Variants in TYW1B observed in about 807,000 individuals in gnomAD.
TYW1B encodes tRNA-yW synthesizing protein 1 homolog B.
A neutral mutation model predicts 86.9 loss-of-function variants in TYW1B; 73 were observed. The observed-to-expected ratio is 0.84, with a 90% confidence interval of 0.70 to 1.02. The LOEUF is 1.02. TYW1B is among the 50% of genes least tolerant of loss of function. The pLI is 0.00. For synonymous variants in TYW1B, 248 were observed against 292.8 expected, an observed-to-expected ratio of 0.85 and a Z score of 1.56; for missense variants, 637 against 827.4, an observed-to-expected ratio of 0.77 and a Z score of 2.82.
At chr7:72,576,763 C>T (rs1442308484) in intron 13 of TYW1B, among the ~76,000 whole-genome samples, 1 of 151,818 alleles carries the variant, frequency 6.6e-6, no homozygotes, top group African/African-American at 2.4e-5. Context: ...CCGCCGGCCT[C>T]GGCCTCCCAA....
At chr7:72,806,956 T>C (rs1345410237) in intron 5 of TYW1B, 110 bp downstream of exon 5, 29 of 1,432,180 alleles carry the variant, frequency 2.0e-5, no homozygotes, top group Non-Finnish European at 2.4e-5. Flanking sequence ...CTCAGCCAGA[T>C]CTTCCTTCTA....
At chr7:72,677,104 ACTT>A (rs1241190574) in intron 11 of TYW1B, among the ~76,000 whole-genome samples, 9 of 152,176 alleles carry the variant, frequency 5.9e-5, no homozygotes, top group South Asian at 4.1e-4. Flanking sequence ...AGAAGGGTGA[ACTT>A]CTTCTTTCTC....
intron 12 of TYW1B, among the ~76,000 whole-genome samples, chr7:72,623,501 G>A (rs1279316024): frequency 1.3e-5 from 2 of 152,136 alleles, no homozygotes; most frequent in East Asian, 3.9e-4. Flanking sequence ...GTGTCCGTGG[G>A]TAAGTTTTTC....
intron 11 of TYW1B, among the ~76,000 whole-genome samples, chr7:72,687,714 CGAT>C (rs1308612617): frequency 6.6e-6 from 1 of 151,916 alleles, no homozygotes; most frequent in Non-Finnish European, 1.5e-5. Context: ...AATTAATCTA[CGAT>C]GATAAAAGTT....
At chr7:72,576,509 C>CT (rs11334473) in intron 13 of TYW1B, among the ~76,000 whole-genome samples, 1,257 of 120,086 alleles carry the variant, frequency 0.01, 14 homozygotes, top group Middle Eastern at 0.015. Context: ...ATGCCACTGT[C>CT]TTTTTTTTTT....
At chr7:72,677,625 C>T (rs1213678074) in intron 11 of TYW1B, among the ~76,000 whole-genome samples, 1 of 152,130 alleles carries the variant, frequency 6.6e-6, no homozygotes, top group Non-Finnish European at 1.5e-5. Context: ...CTAGCAGAAA[C>T]TTTTTCTGCT....
intron 10 of TYW1B, among the ~76,000 whole-genome samples, chr7:72,703,794 G>A (rs1814546947): frequency 1.3e-5 from 2 of 151,426 alleles, no homozygotes; most frequent in Non-Finnish European, 2.9e-5. Flanking sequence ...GGCAGAGGCT[G>A]CAGTGAGCCA....
Position 72,694,594 on chromosome 7 carries a change from T to G in TYW1B, c.1506+93A>C, listed in dbSNP as rs186191544. 2.4e-4 allele frequency: 328 copies of G among 1,341,228 alleles called. No individual in the cohort carries two copies. In the African/African-American group the frequency reaches 4.6e-3, roughly 19 times the overall value. The allele number at this position is 1,341,228 out of a possible 1,614,324, so 83.1% of individuals were successfully genotyped here. ...ATTTTAAAGAGAAAAGAGGAAAAAGTACCTCTGTTCTTTTCTTCCATCTTT... is the reference window on the plus strand; with the variant it reads ...ATTTTAAAGAGAAAAGAGGAAAAAGGACCTCTGTTCTTTTCTTCCATCTTT... On this transcript the variant is annotated intron_variant, in intron 11 of 13. Coordinates refer to ENST00000620995, the MANE Select transcript of TYW1B (RefSeq NM_001145440.3).
chr7:72,763,333 A>C (rs1402738386), intron 7 of TYW1B, among the ~76,000 whole-genome samples: 3 of 124,164 alleles, frequency 2.4e-5, no homozygotes, highest in African/African-American at 9.4e-5. Flanking sequence ...CCTAGGCTGG[A>C]GTGCAGTGGC....
At chr7:72,626,838 C>A (rs1300621434) in intron 12 of TYW1B, among the ~76,000 whole-genome samples, 3 of 151,966 alleles carry the variant, frequency 2.0e-5, no homozygotes, top group African/African-American at 7.2e-5. Flanking sequence ...CCCTCTATAA[C>A]CAAGCCATGC....
At chr7:72,823,556 G>C (rs1163365898) in intron 2 of TYW1B, among the ~76,000 whole-genome samples, 6 of 151,832 alleles carry the variant, frequency 4.0e-5, no homozygotes, top group Non-Finnish European at 8.8e-5. Context: ...GGAAGCAGAG[G>C]TTGCAGTGAG....
In TYW1B at chr7:72,828,137, GTACT is replaced by G. The variant is rs1554481846; in HGVS notation, c.-66_-63del. 1.2e-5 allele frequency: 19 copies of G among 1,609,284 alleles called. No homozygotes were observed. Among genetic ancestry groups the G allele is most frequent in the Non-Finnish European group, 1.6e-5 (19 of 1,178,048 alleles). On this transcript the variant is annotated 5_prime_UTR_variant, in exon 1 of 14. Transcript: ENST00000620995. ...CTGGAGAGCCCAAAGGTTCGCACTGGTACTGCGAGACGCACCGAGCTACCTCGCG... is the reference window on the plus strand; with the variant it reads ...CTGGAGAGCCCAAAGGTTCGCACTGGGCGAGACGCACCGAGCTACCTCGCG...
At position 72,770,005 on chromosome 7, in the gene TYW1B, G is replaced by C. The variant is rs369114755; in HGVS notation, c.964+7411C>G. Among the ~76,000 whole-genome samples, 4 of 151,586 alleles carry C rather than the reference G, an allele frequency of 2.6e-5. No individual in the cohort carries two copies. In the East Asian group the frequency reaches 7.8e-4, roughly 29 times the overall value. On this transcript the variant is annotated intron_variant, in intron 7 of 13. Coordinates refer to ENST00000620995, the MANE Select transcript of TYW1B (RefSeq NM_001145440.3). ...TGAGACATGATAATCACTTGAACCC[G>C]AGAGGTGCAGTGATACAAGATTGCA...
chr7:72,722,859 A>G, intron 9 of TYW1B: 3 of 604,488 alleles, frequency 5.0e-6, no homozygotes, highest in South Asian at 3.5e-5. Context: ...TCCAAGCCAG[A>G]GTGAGGTAAA....
intron 11 of TYW1B, among the ~76,000 whole-genome samples, chr7:72,655,133 C>T (rs76716128): frequency 6.6e-6 from 1 of 151,998 alleles, no homozygotes; most frequent in African/African-American, 2.4e-5. Flanking sequence ...AACCACACCT[C>T]GAAAAGAGCA....
intron 11 of TYW1B, among the ~76,000 whole-genome samples, chr7:72,649,782 A>G (rs1305158442): frequency 6.6e-6 from 1 of 152,230 alleles, no homozygotes; most frequent in Non-Finnish European, 1.5e-5. Context: ...CTCCAGAAAT[A>G]TTACTTGTAC....
intron 13 of TYW1B, among the ~76,000 whole-genome samples, chr7:72,614,438 G>T (rs1374743949): frequency 1.3e-5 from 2 of 152,120 alleles, no homozygotes; most frequent in East Asian, 3.9e-4. Context: ...GTCGAAACCA[G>T]CCTGGCTAAC....
intron 10 of TYW1B, among the ~76,000 whole-genome samples, chr7:72,698,570 C>A (rs1442685946): frequency 6.6e-6 from 1 of 151,412 alleles, no homozygotes; most frequent in Non-Finnish European, 1.5e-5. Flanking sequence ...CACTTAAACC[C>A]AGGAGGCGGA....
At chr7:72,824,803 A>T (rs1200198817) in intron 2 of TYW1B, among the ~76,000 whole-genome samples, 3 of 152,042 alleles carry the variant, frequency 2.0e-5, no homozygotes, top group African/African-American at 4.8e-5. Flanking sequence ...GGTAGCATCT[A>T]GATATAATTA....
Sources: gnomAD v4.1 joint callset for allele counts (sites outside exome capture counted in the v4.1 genomes callset) on GRCh38, gnomAD v4.1.1 for gene constraint, MANE v1.5 for transcripts, NCBI Gene and HGNC (gene_info 2026-07-23, HGNC 2026-07-21) for gene names.